Variants in LPCAT1 observed in about 807,000 individuals in gnomAD.
The protein encoded by LPCAT1 is lysophosphatidylcholine acyltransferase 1.
Under a neutral mutation model 60.9 loss-of-function variants are expected in LPCAT1, and 23 were observed. The observed-to-expected ratio is 0.38, with a 90% CI of 0.27 to 0.53. The LOEUF (loss-of-function observed/expected upper bound fraction) is 0.53, where lower values mean the gene tolerates loss of function less well. Ranked by LOEUF, LPCAT1 falls within the 20% of genes least tolerant of loss-of-function variation. LPCAT1 has a pLI of 0.82. For missense variants in LPCAT1, 622 were observed against 723.6 expected, an observed-to-expected ratio of 0.86 and a Z score of 1.61; for synonymous variants, 340 against 301.1, an observed-to-expected ratio of 1.13 and a Z score of -1.34.
Position 1,463,668 on chromosome 5 carries a change from G to A in LPCAT1, c.1588C>T (p.Arg530Cys). ...ENSDAGRKPV[R>C]KKLD ...CCTGGGTCCTAATCCAGCTTCTTGC[G>A]AACAGGCTTCCGCCCAGCGTCTGAG... is the stretch of plus-strand genomic sequence containing the variant. Residue 530 changes from arginine (R) to cysteine (C), a missense_variant, in exon 14 of 14, where the codon CGC (arginine) becomes TGC (cysteine). Around this residue, in one of 3 missense-constraint regions of LPCAT1, gnomAD observed 288 missense variants for 283.6 expected, o/e 1.02. Coordinates refer to ENST00000283415, the MANE Select transcript of LPCAT1 (RefSeq NM_024830.5). 2.5e-6 allele frequency: 4 copies of A among 1,614,182 alleles called. No homozygotes were observed. The highest frequency in any genetic ancestry group is 2.5e-6 in the Non-Finnish European group (3 of 1,180,036).
Position 1,481,869 on chromosome 5 carries a change from C to T in LPCAT1, c.727-893G>A, listed in dbSNP as rs1026247502. On this transcript the variant is annotated intron_variant, in intron 6 of 13. Coordinates refer to ENST00000283415, the MANE Select transcript of LPCAT1 (RefSeq NM_024830.5). The surrounding 1 kb of genome is among the most constrained non-coding windows in gnomAD (Gnocchi z 7.8). ...CCCTGACTCCATTTTATTACCTGAC[C>T]GTCAGCTCTCCGGGCAAAGTGAAGC... Among the ~76,000 whole-genome samples, 1 of 152,240 alleles carries T rather than the reference C, an allele frequency of 6.6e-6. No individual in the cohort carries two copies. Among genetic ancestry groups the T allele is most frequent in the African/African-American group, 2.4e-5 (1 of 41,480 alleles).
chr5:1,520,695 C>T lies in LPCAT1; in HGVS notation c.135+3015G>A, dbSNP rs190762204. 2.0e-5 allele frequency among the ~76,000 whole-genome samples: 3 copies of T among 151,756 alleles called. No homozygotes were observed. The East Asian group carries it at 5.8e-4, about 29-fold the overall frequency. Reference sequence around the variant, plus strand: ...CTAACACGGTGAGACCCCATCTCTACTAAAAATACAAAAAAAAATTAGCCG... The same window carrying T: ...CTAACACGGTGAGACCCCATCTCTATTAAAAATACAAAAAAAAATTAGCCG... On this transcript the variant is annotated intron_variant, in intron 1 of 13. Coordinates refer to ENST00000283415, the MANE Select transcript of LPCAT1 (RefSeq NM_024830.5).
chr5:1,468,762 C>T (rs1579755372), intron 12 of LPCAT1, among the ~76,000 whole-genome samples: 1 of 152,374 alleles, frequency 6.6e-6, no homozygotes, highest in African/African-American at 2.4e-5. Context: ...TCCTGAGCAC[C>T]GGCGTGTGCC....
chr5:1,470,941 TCTCAGCCACAG>T lies in LPCAT1; in HGVS notation c.1180-28_1180-18del. 6.2e-7 allele frequency: 1 copy of T among 1,607,576 alleles called. No individual in the cohort carries two copies. Among genetic ancestry groups the T allele is most frequent in the Non-Finnish European group, 8.5e-7 (1 of 1,176,558 alleles). On this transcript the variant is annotated intron_variant, in intron 11 of 13. Coordinates refer to ENST00000283415, the MANE Select transcript of LPCAT1 (RefSeq NM_024830.5). The stretch of plus-strand genomic sequence containing the variant: ...GCTGCCGCTCTGTGGGGAGAGACGC[TCTCAGCCACAG>T]CTCGGCCGCCTTCGGCACTGGAGAA...
Position 1,476,460 on chromosome 5 carries a change from C to T in LPCAT1, c.899+944G>A, listed in dbSNP as rs189958875. Among the ~76,000 whole-genome samples the T allele has an allele frequency of 1.1e-4, 17 of 152,144 alleles. No homozygotes were observed. The East Asian group carries it at 1.4e-3, about 12-fold the overall frequency. ...TCAGCGGAGTGTGAACAAAGTGGCT[C>T]GGAGGTCAGAGCCAGGCACACTCTG... On this transcript the variant is annotated intron_variant, in intron 9 of 13. Coordinates refer to ENST00000283415, the MANE Select transcript of LPCAT1 (RefSeq NM_024830.5). The surrounding 1 kb of genome is among the most constrained non-coding windows in gnomAD (Gnocchi z 8.6).
At chr5:1,490,032 C>T (rs112205912) in intron 3 of LPCAT1, among the ~76,000 whole-genome samples, 174 bp from the exon 4 acceptor site, 2 of 152,228 alleles carry the variant, frequency 1.3e-5, no homozygotes, top group Admixed American at 6.5e-5. Flanking sequence ...GAACAGCACC[C>T]GGGCTTCCCA....
At chr5:1,479,908 T>A (rs540494555) in intron 7 of LPCAT1, among the ~76,000 whole-genome samples, 1 of 151,562 alleles carries the variant, frequency 6.6e-6, no homozygotes, top group East Asian at 2.0e-4. Flanking sequence ...CCTTGGTTCG[T>A]CTAGCAAGAC....
At chr5:1,484,339 C>T (rs1190593106) in intron 5 of LPCAT1, among the ~76,000 whole-genome samples, 1 of 152,278 alleles carries the variant, frequency 6.6e-6, no homozygotes, top group Admixed American at 6.5e-5. Context: ...GCACCATGGA[C>T]TCTGTGGATG....
chr5:1,501,652 G>A (rs1736013524), intron 1 of LPCAT1, 49 bp from the exon 2 acceptor site: 2 of 1,596,306 alleles, frequency 1.3e-6, no homozygotes, highest in African/African-American at 2.7e-5. Context: ...AGGACACCAG[G>A]CAGCTCCCCA....
rs1472001480 is a variant in LPCAT1 at position 1,473,968 on chromosome 5, G to A, written c.1168C>T (p.Leu390=). Residue 390 remains leucine, a synonymous_variant, in exon 11 of 14, where the codon CTG becomes TTG. Transcript: ENST00000283415. ...VSDLLEDMFS[L]FDESGSGEVD... ...GCGACAGGCCCTACCTCGTCGAACA[G>A]TGAAAACATGTCTTCCAGCAAGTCA... The A allele has an allele frequency of 6.2e-7, 1 of 1,614,202 alleles. No homozygotes were observed. Among genetic ancestry groups the A allele is most frequent in the Non-Finnish European group, 8.5e-7 (1 of 1,180,042 alleles).
intron 1 of LPCAT1, among the ~76,000 whole-genome samples, chr5:1,505,492 G>C (rs1413230691): frequency 2.0e-5 from 3 of 152,278 alleles, no homozygotes; most frequent in African/African-American, 7.2e-5. Flanking sequence ...GGCTGGGGGA[G>C]CAGCGCCCCA....
At chr5:1,468,830 CTGGATCTCTG>C (rs1302428100) in intron 12 of LPCAT1, among the ~76,000 whole-genome samples, 1 of 152,226 alleles carries the variant, frequency 6.6e-6, no homozygotes, top group East Asian at 1.9e-4. Context: ...GGGCAGCTTC[CTGGATCTCTG>C]TGTCCCAAGA....
chr5:1,494,759 G>A lies in LPCAT1; in HGVS notation c.434C>T (p.Thr145Ile), dbSNP rs370820131. 6.2e-7 allele frequency: 1 copy of A among 1,614,120 alleles called. No homozygotes were observed. The highest frequency in any genetic ancestry group is 8.5e-7 in the Non-Finnish European group (1 of 1,180,036). Residue 145 changes from threonine to isoleucine, a missense_variant, in exon 3 of 14, where the codon ACC becomes ATC. This residue lies in a region of LPCAT1 where 209 missense variants were observed against 325.5 expected (regional missense o/e 0.64). Transcript: ENST00000283415. ...HSSYFDAIPV[T>I]MTMSSIVMKA... ...CATCACGATGGAGGACATCGTCATG[G>A]TCACAGGGATGGCGTCGAAGTAGGA...
intron 1 of LPCAT1, among the ~76,000 whole-genome samples, chr5:1,501,885 C>T (rs531219449): frequency 4.6e-5 from 7 of 152,090 alleles, no homozygotes; most frequent in South Asian, 4.2e-4. Context: ...CAACATTGAC[C>T]GGCACTGACC....
chr5:1,473,841 T>C, intron 11 of LPCAT1, 116 bp downstream of exon 11: 1 of 1,338,816 alleles, frequency 7.5e-7, no homozygotes, highest in South Asian at 1.5e-5. Flanking sequence ...TGGGTGGTTT[T>C]CCTTCTCTGC....
rs1735796492 is a variant in LPCAT1, at chr5:1,496,464, G to A, written c.279-1550C>T. 6.6e-6 allele frequency among the ~76,000 whole-genome samples: 1 copy of A among 151,670 alleles called. No homozygotes were observed. Among genetic ancestry groups the A allele is most frequent in the African/African-American group, 2.4e-5 (1 of 41,292 alleles). ...AAACAAAAGCCAAAAGACAGCAATT[G>A]ATGCCTAAGATGGAAGAAACAAGGC... On this transcript the variant is annotated intron_variant, in intron 2 of 13. Transcript: ENST00000283415. The surrounding 1 kb of genome is among the most constrained non-coding windows in gnomAD (Gnocchi z 4.7).
chr5:1,492,001 G>A (rs116464884), intron 3 of LPCAT1, among the ~76,000 whole-genome samples: 7,326 of 151,972 alleles, frequency 0.048, 189 homozygotes, highest in South Asian at 0.089. Flanking sequence ...CCTGGGAGAC[G>A]TCTCTGAGCT....
In LPCAT1 at chr5:1,483,316, G is replaced by A; in HGVS notation, c.726+112C>T. ...CTCAGCATGGCCAAGTGTGGGCTGTGGCGCAGATAAAGGGTGTGGAGAGAC... is the reference window on the plus strand; with the variant it reads ...CTCAGCATGGCCAAGTGTGGGCTGTAGCGCAGATAAAGGGTGTGGAGAGAC... On this transcript the variant is annotated intron_variant, in intron 6 of 13. Transcript: ENST00000283415. This position sits in a 1 kb window ranked among gnomAD's most constrained non-coding sequence, Gnocchi z 9.2. The A allele has an allele frequency of 8.6e-7, 1 of 1,168,694 alleles. No individual in the cohort carries two copies. The highest frequency in any genetic ancestry group is 2.4e-5 in the East Asian group (1 of 42,494). 72.4% of individuals were successfully genotyped at this position (1,168,694 alleles called of 1,614,324 possible).
At chr5:1,465,622 C>G (rs544499990) in intron 13 of LPCAT1, among the ~76,000 whole-genome samples, 1 of 151,716 alleles carries the variant, frequency 6.6e-6, no homozygotes, top group African/African-American at 2.4e-5. Flanking sequence ...CGCACACACA[C>G]AAAACAAGCA....
Sources: allele counts gnomAD v4.1 joint callset (sites outside exome capture counted in the v4.1 genomes callset), GRCh38; gene constraint gnomAD v4.1.1; regional missense constraint gnomAD v4.1.1; non-coding constraint Gnocchi (gnomAD v3.1); transcripts MANE v1.5; gene names NCBI Gene and HGNC (gene_info 2026-07-23, HGNC 2026-07-21).